Variants in FBLN1 observed in about 807,000 individuals in gnomAD.
The protein encoded by FBLN1 is fibulin-1.
Under a neutral mutation model 89.7 loss-of-function variants are expected in FBLN1, and 34 were observed. That is an observed-to-expected ratio of 0.38 (90% CI 0.29 to 0.50). The LOEUF (loss-of-function observed/expected upper bound fraction) is 0.50. Among genes scored for constraint, FBLN1 ranks in the 20% least tolerant of loss-of-function variants. FBLN1 has a pLI of 0.92. For missense variants in FBLN1, 777 were observed against 988.1 expected (o/e 0.79, Z 2.86); for synonymous variants, 393 against 391.3 (o/e 1.00, Z -0.05).
At chr22:45,552,646 G>A (rs2146998007) in intron 14 of FBLN1, among the ~76,000 whole-genome samples, 1 of 152,314 alleles carries the variant, frequency 6.6e-6, no homozygotes, top group East Asian at 1.9e-4. Context: ...GCCTCCTTCG[G>A]GAGCCTTGAC....
chr22:45,528,144 G>A, intron 4 of FBLN1, 135 bp downstream of exon 4: 1 of 994,368 alleles, frequency 1.0e-6, no homozygotes, highest in Non-Finnish European at 1.6e-6. Context: ...TCCAAAATCT[G>A]CAGGGCAGGC....
intron 16 of FBLN1, among the ~76,000 whole-genome samples, chr22:45,596,138 G>A (rs992066550): frequency 1.3e-5 from 2 of 152,228 alleles, no homozygotes; most frequent in African/African-American, 2.4e-5. Flanking sequence ...CAAAGTGCCG[G>A]GATCACAGGC....
At chr22:45,547,060 C>T (rs1484099236) in intron 11 of FBLN1, 25 bp from the exon 12 acceptor site, 20 of 1,613,596 alleles carry the variant, frequency 1.2e-5, no homozygotes, top group Non-Finnish European at 1.6e-5. Context: ...ATGCTCTGAG[C>T]GGTGACCCTC....
Position 45,562,705 on chromosome 22 carries a change from G to A in FBLN1, c.1698-11806G>A, listed in dbSNP as rs889363020. ...GCCACCCAGCGCCCGAGATGGTGTT[G>A]GAAGAGGCTAGTGCCTGAATCAGCA... On this transcript the variant is annotated intron_variant, in intron 14 of 16. Transcript: ENST00000327858. This position sits in a 1 kb window ranked among gnomAD's most constrained non-coding sequence, Gnocchi z 7.8. Among the ~76,000 whole-genome samples the A allele has an allele frequency of 5.9e-5, 9 of 152,232 alleles. No individual in the cohort carries two copies. The highest frequency in any genetic ancestry group is 2.2e-4 in the African/African-American group (9 of 41,466).
intron 16 of FBLN1, among the ~76,000 whole-genome samples, chr22:45,587,462 G>A (rs1460350283): frequency 1.3e-5 from 2 of 152,060 alleles, no homozygotes; most frequent in African/African-American, 4.8e-5. Flanking sequence ...CCTCAGCCCA[G>A]AGCTTCCTAT....
intron 14 of FBLN1, among the ~76,000 whole-genome samples, chr22:45,570,731 T>C (rs933538938): frequency 6.6e-6 from 1 of 152,164 alleles, no homozygotes; most frequent in African/African-American, 2.4e-5. Context: ...AAAAGAGATT[T>C]GAAATTCCAC....
rs2088426650 is a variant in FBLN1, at chr22:45,532,806, C to G, written c.545-257C>G. On this transcript the variant is annotated intron_variant, in intron 5 of 16. Coordinates refer to ENST00000327858, the MANE Select transcript of FBLN1 (RefSeq NM_006486.3). The surrounding 1 kb of genome is among the most constrained non-coding windows in gnomAD (Gnocchi z 4.2). Reference sequence around the variant, plus strand: ...TCGCCCCTTCCAGGTCCACCCCAGCCTACAAAGGGCACCCTGCACACCACC... The same window carrying G: ...TCGCCCCTTCCAGGTCCACCCCAGCGTACAAAGGGCACCCTGCACACCACC... 1.8e-6 allele frequency: 1 copy of G among 569,658 alleles called. No homozygotes were observed. The highest frequency in any genetic ancestry group is 1.9e-5 in the African/African-American group (1 of 53,202). 35.3% of individuals were successfully genotyped at this position (569,658 alleles called of 1,614,324 possible).
chr22:45,574,731 G>T lies in FBLN1; in HGVS notation c.1840+78G>T, dbSNP rs561149622. ...TCAGCTGAGGGCTTGGCCTACAGGA[G>T]TTGTTCCTTGTAAGATGTGGCCCAG... is the stretch of plus-strand genomic sequence containing the variant. On this transcript the variant is annotated intron_variant, in intron 15 of 16. Coordinates refer to ENST00000327858, the MANE Select transcript of FBLN1 (RefSeq NM_006486.3). The surrounding 1 kb of genome is among the most constrained non-coding windows in gnomAD (Gnocchi z 4.1). 1.4e-5 allele frequency: 16 copies of T among 1,136,476 alleles called. No individual in the cohort carries two copies. In the East Asian group the frequency reaches 3.5e-4, roughly 25 times the overall value. The allele number at this position is 1,136,476 out of a possible 1,614,324, so 70.4% of individuals were successfully genotyped here.
rs894220861 is a variant in FBLN1, at chr22:45,597,964, G to A, written c.1973-2343G>A. On this transcript the variant is annotated intron_variant, in intron 16 of 16. Coordinates refer to ENST00000327858, the MANE Select transcript of FBLN1 (RefSeq NM_006486.3). This position sits in a 1 kb window ranked among gnomAD's most constrained non-coding sequence, Gnocchi z 4.2. ...GTTCCTGACCAGGAACCAGCCACTC[G>A]TACCGAAGGCCTTCCTGACCCCTCA... Among the ~76,000 whole-genome samples, 3 of 152,120 alleles carry A rather than the reference G, an allele frequency of 2.0e-5. No homozygotes were observed. The highest frequency in any genetic ancestry group is 2.1e-4 in the South Asian group (1 of 4,822).
intron 1 of FBLN1, among the ~76,000 whole-genome samples, chr22:45,507,482 A>G (rs1333557172): frequency 6.6e-6 from 1 of 152,170 alleles, no homozygotes; most frequent in Non-Finnish European, 1.5e-5. Flanking sequence ...TCATCTCAGC[A>G]GCCCTACGAA....
At chr22:45,568,502 G>A (rs1281977810) in intron 14 of FBLN1, among the ~76,000 whole-genome samples, 1 of 143,154 alleles carries the variant, frequency 7.0e-6, no homozygotes, top group Non-Finnish European at 1.6e-5. Flanking sequence ...TTCTGTAGGG[G>A]AGTGCTCCTT....
chr22:45,598,485 C>T (rs1002402262), intron 16 of FBLN1, among the ~76,000 whole-genome samples: 4 of 152,316 alleles, frequency 2.6e-5, no homozygotes, highest in African/African-American at 7.2e-5. Flanking sequence ...CCTGTTTGGC[C>T]GCAGACACTG....
intron 2 of FBLN1, among the ~76,000 whole-genome samples, chr22:45,520,295 C>T (rs988620575): frequency 1.3e-5 from 2 of 152,178 alleles, no homozygotes; most frequent in Non-Finnish European, 2.9e-5. Context: ...GCTCAACCAC[C>T]GGTTCCTCAT....
chr22:45,584,965 C>T (rs1274993556), intron 16 of FBLN1, among the ~76,000 whole-genome samples: 1 of 152,248 alleles, frequency 6.6e-6, no homozygotes, highest in Non-Finnish European at 1.5e-5. Flanking sequence ...CCAGGCCCTG[C>T]ACTGGGTACT....
intron 8 of FBLN1, among the ~76,000 whole-genome samples, chr22:45,540,744 A>G (rs1359539171): frequency 2.0e-5 from 3 of 152,172 alleles, no homozygotes; most frequent in Non-Finnish European, 4.4e-5. Context: ...AGATGTGTCC[A>G]CTCAAGGAAG....
intron 14 of FBLN1, among the ~76,000 whole-genome samples, chr22:45,552,724 G>T (rs2088720530): frequency 6.6e-6 from 1 of 152,156 alleles, no homozygotes; most frequent in African/African-American, 2.4e-5. Context: ...TCCATCTGGG[G>T]AACATCCCGG....
chr22:45,533,895 A>C lies in FBLN1; in HGVS notation c.781A>C (p.Lys261Gln), dbSNP rs2088445420. ...GYELTEDNSC[K>Q]DIDECESGIH... Reference sequence around the variant, plus strand: ...TGAGCTCACAGAGGACAATAGCTGCAAAGGTACAGCATGCGCTCCGAGTCT... The same window carrying C: ...TGAGCTCACAGAGGACAATAGCTGCCAAGGTACAGCATGCGCTCCGAGTCT... Residue 261 changes from lysine to glutamine, a missense_variant, in exon 7 of 17, where the codon AAA becomes CAA. Lys to Gln is a moderately conservative substitution (Grantham distance 53, BLOSUM62 1). Coordinates refer to ENST00000327858, the MANE Select transcript of FBLN1 (RefSeq NM_006486.3). 6.2e-7 allele frequency: 1 copy of C among 1,613,908 alleles called. No homozygotes were observed. The highest frequency in any genetic ancestry group is 1.7e-5 in the Admixed American group (1 of 60,006).
intron 16 of FBLN1, among the ~76,000 whole-genome samples, chr22:45,596,031 G>A (rs557244790): frequency 5.3e-5 from 8 of 152,202 alleles, no homozygotes; most frequent in African/African-American, 7.2e-5. Flanking sequence ...CACCACGCTC[G>A]GCTAATTTTT....
rs2088588956 is a variant in FBLN1 at position 45,543,675 on chromosome 22, A to G, written c.1321+149A>G. On this transcript the variant is annotated intron_variant, in intron 11 of 16. Transcript: ENST00000327858. ...GGGAAGTGCCTGTAAAATATTGTTCATCAGAGAGGACTGCCCGCCTGCCCA... is the reference window on the plus strand; with the variant it reads ...GGGAAGTGCCTGTAAAATATTGTTCGTCAGAGAGGACTGCCCGCCTGCCCA... 3.5e-6 allele frequency: 4 copies of G among 1,149,764 alleles called. No individual in the cohort carries two copies. The African/African-American group carries it at 6.1e-5, about 18-fold the overall frequency. The allele number at this position is 1,149,764 out of a possible 1,614,324, so 71.2% of individuals were successfully genotyped here.
Sources: gnomAD v4.1 joint callset for allele counts (sites outside exome capture counted in the v4.1 genomes callset) on GRCh38, gnomAD v4.1.1 for gene constraint, Gnocchi (gnomAD v3.1) non-coding constraint, MANE v1.5 for transcripts, NCBI Gene and HGNC (gene_info 2026-07-23, HGNC 2026-07-21) for gene names.